Variants in CRACR2A observed in about 807,000 individuals in gnomAD.
CRACR2A encodes the protein EF-hand calcium-binding domain-containing protein 4B.
A neutral mutation model predicts 90.5 loss-of-function variants in CRACR2A; 79 were observed. The observed-to-expected ratio is 0.87, with a 90% CI of 0.73 to 1.05. CRACR2A has a LOEUF of 1.05. Ranked by LOEUF, CRACR2A falls within the 50% of genes least tolerant of loss-of-function variation. CRACR2A has a pLI of 0.00. For synonymous variants in CRACR2A, 338 were observed against 356.7 expected, an observed-to-expected ratio of 0.95 and a Z score of 0.59; for missense variants, 823 against 897.2, an observed-to-expected ratio of 0.92 and a Z score of 1.06.
At chr12:3,678,763 C>A in intron 6 of CRACR2A, 152 bp downstream of exon 6, 1 of 723,436 alleles carries the variant, frequency 1.4e-6, no homozygotes. Context: ...AAGGACAGGC[C>A]CCCACTGGCA....
At chr12:3,694,126 C>G (rs1475209966) in intron 4 of CRACR2A, among the ~76,000 whole-genome samples, 1 of 152,192 alleles carries the variant, frequency 6.6e-6, no homozygotes, top group Non-Finnish European at 1.5e-5. Flanking sequence ...CTGTGTCTTC[C>G]CTCCAACCAC....
At position 3,633,306 on chromosome 12, in the gene CRACR2A, A is replaced by G. The variant is rs1275106745; in HGVS notation, c.1735+298T>C. Among the ~76,000 whole-genome samples the G allele has an allele frequency of 1.3e-5, 2 of 152,032 alleles. No homozygotes were observed. The highest frequency in any genetic ancestry group is 4.8e-5 in the African/African-American group (2 of 41,380). On this transcript the variant is annotated intron_variant, in intron 15 of 19. Transcript: ENST00000440314. The surrounding 1 kb of genome is among the most constrained non-coding windows in gnomAD (Gnocchi z 4.5). The stretch of plus-strand genomic sequence containing the variant: ...GGAGGGGGTACTCATTGAAGAGGGG[A>G]AGGGGACCCAAATCTACCTTTACCA...
intron 1 of CRACR2A, among the ~76,000 whole-genome samples, chr12:3,749,508 T>G (rs1946673792): frequency 6.6e-6 from 1 of 152,190 alleles, no homozygotes; most frequent in Non-Finnish European, 1.5e-5. Flanking sequence ...CCTTCTTCTC[T>G]GCACTTTGTC....
intron 7 of CRACR2A, among the ~76,000 whole-genome samples, chr12:3,670,490 A>G (rs563087114): frequency 4.6e-5 from 7 of 152,076 alleles, no homozygotes; most frequent in African/African-American, 1.7e-4. Context: ...CACTAACCTC[A>G]CCCTGAGTCA....
rs995298924 is a variant in CRACR2A, at chr12:3,713,264, C to G, written c.-64G>C. 9.1e-6 allele frequency: 9 copies of G among 985,410 alleles called. No homozygotes were observed. Among genetic ancestry groups the G allele is most frequent in the African/African-American group, 8.7e-5 (5 of 57,324 alleles). 61.0% of individuals were successfully genotyped at this position (985,410 alleles called of 1,614,324 possible). ...TGCAGCTCCCGGCTCCTCGGAGGAC[C>G]TGCAACTCTTCACACCTGGAGGGTA... On this transcript the variant is annotated 5_prime_UTR_variant, in exon 3 of 20. Coordinates refer to ENST00000440314, the MANE Select transcript of CRACR2A (RefSeq NM_001144958.2).
Position 3,656,800 on chromosome 12 carries a change from T to C in CRACR2A, c.763-394A>G, listed in dbSNP as rs141789315. Among the ~76,000 whole-genome samples, 468 of 152,296 alleles carry C rather than the reference T, an allele frequency of 3.1e-3. 3 individuals are homozygous for C. The highest frequency in any genetic ancestry group is 0.01 in the African/African-American group (430 of 41,582). Reference sequence around the variant, plus strand: ...ATTGGGGGTGACTGGGGGAGGCAGATGACCCCTCGGACACCTTCCGACCTG... The same window carrying C: ...ATTGGGGGTGACTGGGGGAGGCAGACGACCCCTCGGACACCTTCCGACCTG... On this transcript the variant is annotated intron_variant, in intron 8 of 19. Coordinates refer to ENST00000440314, the MANE Select transcript of CRACR2A (RefSeq NM_001144958.2).
At chr12:3,723,139 C>T (rs1011323631) in intron 2 of CRACR2A, among the ~76,000 whole-genome samples, 4 of 152,166 alleles carry the variant, frequency 2.6e-5, no homozygotes, top group East Asian at 1.9e-4. Context: ...TCCTTGAGCC[C>T]GGGGACTATC....
At chr12:3,643,686 AGT>A (rs1180430472) in intron 12 of CRACR2A, among the ~76,000 whole-genome samples, 4 of 145,366 alleles carry the variant, frequency 2.8e-5, no homozygotes, top group Non-Finnish European at 4.5e-5. Flanking sequence ...CGTTTAGGAA[AGT>A]GTGTGTGTGT....
chr12:3,648,491 C>A lies in CRACR2A; in HGVS notation c.1118+51G>T, dbSNP rs764589720. 5 of 1,613,600 alleles carry A rather than the reference C, an allele frequency of 3.1e-6. No individual in the cohort carries two copies. The African/African-American group carries it at 6.7e-5, about 22-fold the overall frequency. ...TGACCCTCAGACTGGTCCTTCCGAC[C>A]CCAGGCTTCTGGGAGGTGCTCTCAG... On this transcript the variant is annotated intron_variant, in intron 11 of 19. Transcript: ENST00000440314.
intron 15 of CRACR2A, among the ~76,000 whole-genome samples, chr12:3,632,540 G>A (rs1478801280): frequency 2.0e-5 from 3 of 152,140 alleles, no homozygotes; most frequent in African/African-American, 7.2e-5. Context: ...CACCTCCAGA[G>A]GCAGAAAAGC....
chr12:3,700,623 C>A (rs950741367), intron 3 of CRACR2A, among the ~76,000 whole-genome samples: 1 of 152,200 alleles, frequency 6.6e-6, no homozygotes, highest in African/African-American at 2.4e-5. Context: ...ATTAAAAAGT[C>A]ATTTCGTATT....
chr12:3,747,441 G>A (rs756420164), intron 1 of CRACR2A, among the ~76,000 whole-genome samples: 58 of 152,254 alleles, frequency 3.8e-4, no homozygotes, highest in Middle Eastern at 6.8e-3. Flanking sequence ...CCTCCCTCCC[G>A]CATCAGCACC....
intron 4 of CRACR2A, among the ~76,000 whole-genome samples, chr12:3,692,513 G>T (rs1169407191): frequency 6.6e-6 from 1 of 151,148 alleles, no homozygotes; most frequent in Admixed American, 6.6e-5. Context: ...CACGCTGGGG[G>T]TGGGGGTGGG....
intron 1 of CRACR2A, among the ~76,000 whole-genome samples, chr12:3,749,862 A>C (rs1946680592): frequency 6.6e-6 from 1 of 150,900 alleles, no homozygotes; most frequent in South Asian, 2.1e-4. Context: ...AGGAACAAAA[A>C]GTGTACCAGT....
chr12:3,643,427 T>C (rs563428782), intron 12 of CRACR2A, among the ~76,000 whole-genome samples: 1 of 152,268 alleles, frequency 6.6e-6, no homozygotes, highest in South Asian at 2.1e-4. Context: ...GAATTCACTT[T>C]CCTCGCGTGA....
chr12:3,619,171 G>A, intron 18 of CRACR2A, 100 bp downstream of exon 18: 1 of 896,714 alleles, frequency 1.1e-6, no homozygotes, highest in Non-Finnish European at 1.7e-6. Flanking sequence ...TCCTTCCCAT[G>A]GCACTTCCAG....
At chr12:3,732,306 T>A (rs1946372219) in intron 2 of CRACR2A, 1 of 152,184 alleles carries the variant, frequency 6.6e-6, no homozygotes, top group South Asian at 2.1e-4. Flanking sequence ...ACAATCTGAT[T>A]GAAGATTCAA....
At chr12:3,622,371 G>A (rs1332312764) in intron 17 of CRACR2A, among the ~76,000 whole-genome samples, 2 of 152,190 alleles carry the variant, frequency 1.3e-5, no homozygotes, top group African/African-American at 4.8e-5. Flanking sequence ...ACTCATCTGA[G>A]TCTCTCCTCT....
At chr12:3,721,361 C>A (rs1420262220) in intron 2 of CRACR2A, among the ~76,000 whole-genome samples, 1 of 122,532 alleles carries the variant, frequency 8.2e-6, no homozygotes, top group Non-Finnish European at 1.7e-5. Context: ...TAGCAAGACC[C>A]CGTCTCTACA....
Sources: allele counts gnomAD v4.1 joint callset (sites outside exome capture counted in the v4.1 genomes callset), GRCh38; gene constraint gnomAD v4.1.1; non-coding constraint Gnocchi (gnomAD v3.1); transcripts MANE v1.5; gene names NCBI Gene and HGNC (gene_info 2026-07-23, HGNC 2026-07-21).